SLC38A8: variants seen among roughly 807,000 people sequenced by gnomAD.
The protein encoded by SLC38A8 is solute carrier family 38 member 8, also known as amino acid transporter SLC38A8.
Under a neutral mutation model 46.0 loss-of-function variants are expected in SLC38A8, and 65 were observed. That is an observed-to-expected ratio of 1.41 (90% CI 1.16 to 1.74). The LOEUF is 1.74. SLC38A8 is among the 40% of genes most tolerant of loss of function. The probability of loss-of-function intolerance (pLI) is 0.00; values close to 1 mark genes in which losing one functional copy is unlikely to be tolerated. For missense variants in SLC38A8, 998 were observed against 567.9 expected (o/e 1.76, Z -7.70); for synonymous variants, 447 against 243.7 (o/e 1.83, Z -7.77).
Position 84,036,754 on chromosome 16 carries a change from C to G in SLC38A8, c.336G>C (p.Leu112=), listed in dbSNP as rs753269035. The G allele has an allele frequency of 1.9e-6, 3 of 1,614,238 alleles. No individual in the cohort carries two copies. In the South Asian group the frequency reaches 3.3e-5, roughly 18 times the overall value. Residue 112 remains leucine, a synonymous_variant, in exon 3 of 11, where the codon CTG becomes CTC. Transcript: ENST00000299709. The part of the protein sequence containing the change: ...KLCEACFLLN[L]LMISVAFLRV... The stretch of plus-strand genomic sequence containing the variant: ...TGAGGAAGGCCACGGAGATCATGAG[C>G]AGGTTGAGGAGGAAGCAGGCCTCAC...
At chr16:84,041,188 G>A (rs2085363064) in intron 2 of SLC38A8, 1 of 152,324 alleles carries the variant, frequency 6.6e-6, no homozygotes. Flanking sequence ...TCCCCAAAAG[G>A]GAATTCTGGC....
chr16:84,014,631 G>A (rs1460532354), intron 9 of SLC38A8, among the ~76,000 whole-genome samples: 2 of 152,228 alleles, frequency 1.3e-5, no homozygotes, highest in African/African-American at 2.4e-5. Context: ...GCAGAGCCAG[G>A]AGCAGAGTGG....
At chr16:84,025,878 C>G (rs2085158318) in intron 6 of SLC38A8, among the ~76,000 whole-genome samples, 1 of 152,244 alleles carries the variant, frequency 6.6e-6, no homozygotes, top group South Asian at 2.1e-4. Flanking sequence ...CCCAGGTTTC[C>G]TGTCCTACAG....
At chr16:84,024,750 C>A (rs1052735466) in intron 6 of SLC38A8, among the ~76,000 whole-genome samples, 1 of 152,098 alleles carries the variant, frequency 6.6e-6, no homozygotes, top group Non-Finnish European at 1.5e-5. Context: ...ACTGAAGTGG[C>A]GCGAACTTGG....
At chr16:84,041,594 C>T (rs1017419816) in intron 2 of SLC38A8, among the ~76,000 whole-genome samples, 1 of 152,156 alleles carries the variant, frequency 6.6e-6, no homozygotes, top group Non-Finnish European at 1.5e-5. Flanking sequence ...ATTATAGGCA[C>T]GAGCCACCGT....
At chr16:84,038,338 A>G (rs1461133439) in intron 2 of SLC38A8, among the ~76,000 whole-genome samples, 2 of 151,720 alleles carry the variant, frequency 1.3e-5, no homozygotes, top group Non-Finnish European at 2.9e-5. Context: ...GATGTACAGG[A>G]AAGTTGCAAG....
chr16:84,013,516 C>T (rs953940496), intron 9 of SLC38A8, among the ~76,000 whole-genome samples: 2 of 148,868 alleles, frequency 1.3e-5, no homozygotes, highest in Non-Finnish European at 3.0e-5. Context: ...CTGCAACCTC[C>T]ACCTCCCGGG....
At chr16:84,015,727 T>C (rs2085017473) in intron 9 of SLC38A8, among the ~76,000 whole-genome samples, 2 of 152,164 alleles carry the variant, frequency 1.3e-5, no homozygotes, top group Admixed American at 6.5e-5. Flanking sequence ...TTGTTTGAGA[T>C]GGAGTTTCAC....
intron 2 of SLC38A8, among the ~76,000 whole-genome samples, chr16:84,040,413 A>C (rs2085354699): frequency 6.6e-6 from 1 of 152,192 alleles, no homozygotes; most frequent in African/African-American, 2.4e-5. Flanking sequence ...GCAAGTCACA[A>C]ATGTGGTCTC....
intron 6 of SLC38A8, among the ~76,000 whole-genome samples, chr16:84,026,585 A>T (rs930314911): frequency 1.2e-4 from 18 of 152,302 alleles, no homozygotes; most frequent in African/African-American, 4.1e-4. Flanking sequence ...AGTACCCAGG[A>T]GGTGGTGGCA....
intron 7 of SLC38A8, among the ~76,000 whole-genome samples, chr16:84,020,110 T>C (rs1412499857): frequency 2.6e-5 from 4 of 151,956 alleles, no homozygotes; most frequent in Admixed American, 6.6e-5. Flanking sequence ...CTCTCTGCAG[T>C]TGGACCCCTA....
At position 84,021,965 on chromosome 16, in the gene SLC38A8, G is replaced by A. The variant is rs530291878; in HGVS notation, c.805+810C>T. Among the ~76,000 whole-genome samples the A allele has an allele frequency of 3.5e-4, 54 of 152,198 alleles. 1 individual carries two copies. Among genetic ancestry groups the A allele is most frequent in the African/African-American group, 1.3e-3 (53 of 41,520 alleles). On this transcript the variant is annotated intron_variant, in intron 7 of 10. Coordinates refer to ENST00000299709, the MANE Select transcript of SLC38A8 (RefSeq NM_001080442.3). Reference sequence around the variant, plus strand: ...TCTTCTTCTTCTTATAAAGCCACCAGCCCCACTCCCATGATAACCTATTAA... The same window carrying A: ...TCTTCTTCTTCTTATAAAGCCACCAACCCCACTCCCATGATAACCTATTAA...
intron 6 of SLC38A8, among the ~76,000 whole-genome samples, chr16:84,026,097 G>C (rs552250985): frequency 6.6e-6 from 1 of 152,248 alleles, no homozygotes; most frequent in African/African-American, 2.4e-5. Flanking sequence ...GTCCCCGAAC[G>C]GCAGCTCTGC....
chr16:84,040,728 C>T (rs2085357780), intron 2 of SLC38A8, among the ~76,000 whole-genome samples: 1 of 152,224 alleles, frequency 6.6e-6, no homozygotes, highest in African/African-American at 2.4e-5. Flanking sequence ...AAGGTCACCT[C>T]CTCCGAGAGG....
chr16:84,019,643 C>G (rs1183388595), intron 7 of SLC38A8, among the ~76,000 whole-genome samples: 1 of 152,312 alleles, frequency 6.6e-6, no homozygotes, highest in Middle Eastern at 3.4e-3. Context: ...CATGGTTATT[C>G]CAACCCCATG....
At position 84,014,708 on chromosome 16, in the gene SLC38A8, C is replaced by T. The variant is rs148049887; in HGVS notation, c.1163-1656G>A. 2.9e-3 allele frequency among the ~76,000 whole-genome samples: 444 copies of T among 152,342 alleles called. 1 individual carries two copies. The highest frequency in any genetic ancestry group is 0.01 in the African/African-American group (429 of 41,574). Reference sequence around the variant, plus strand: ...CTTTATCTCTTAATCCCAGTAGACCCCAATTTACGGGAGCTGGGGCAGGTA... The same window carrying T: ...CTTTATCTCTTAATCCCAGTAGACCTCAATTTACGGGAGCTGGGGCAGGTA... On this transcript the variant is annotated intron_variant, in intron 9 of 10. Transcript: ENST00000299709.
intron 6 of SLC38A8, among the ~76,000 whole-genome samples, chr16:84,025,924 G>A (rs2085158988): frequency 1.3e-5 from 2 of 152,204 alleles, no homozygotes; most frequent in African/African-American, 4.8e-5. Context: ...CAACCCCTCT[G>A]CCTCCTGCAC....
At chr16:84,013,433 T>TTTTTG (rs2084980411) in intron 9 of SLC38A8, among the ~76,000 whole-genome samples, 3 of 128,468 alleles carry the variant, frequency 2.3e-5, no homozygotes, top group Non-Finnish European at 3.3e-5. Context: ...TGTTTTTTTT[T>TTTTTG]TTTTTTTTTT....
At position 84,041,892 on chromosome 16, in the gene SLC38A8, G is replaced by A. The variant is rs1208823898; in HGVS notation, c.189+77C>T. 1.3e-5 allele frequency: 17 copies of A among 1,321,264 alleles called. No individual in the cohort carries two copies. The Admixed American group carries it at 3.5e-4, about 27-fold the overall frequency. The allele number at this position is 1,321,264 out of a possible 1,614,324, so 81.8% of individuals were successfully genotyped here. On this transcript the variant is annotated intron_variant, in intron 2 of 10. Coordinates refer to ENST00000299709, the MANE Select transcript of SLC38A8 (RefSeq NM_001080442.3). ...TTACAGGACACGCAACTCCGCAGAA[G>A]CAATGCGAGGAACCCCACCCAGAAA...
Sources: gnomAD v4.1 joint callset for allele counts (sites outside exome capture counted in the v4.1 genomes callset) on GRCh38, gnomAD v4.1.1 for gene constraint, MANE v1.5 for transcripts, NCBI Gene and HGNC (gene_info 2026-07-23, HGNC 2026-07-21) for gene names.